SLC25A21: variants seen among roughly 807,000 people sequenced by gnomAD.
SLC25A21 encodes the protein mitochondrial 2-oxodicarboxylate carrier.
Under a neutral mutation model 43.8 loss-of-function variants are expected in SLC25A21, and 47 were observed. That is an observed-to-expected ratio of 1.07 (90% CI 0.85 to 1.37). The LOEUF (loss-of-function observed/expected upper bound fraction) is 1.37, where lower values mean the gene tolerates loss of function less well. SLC25A21 is among the 40% of genes most tolerant of loss of function. The probability of loss-of-function intolerance (pLI) is 0.00; values close to 1 mark genes in which losing one functional copy is unlikely to be tolerated. For synonymous variants in SLC25A21, 131 were observed against 121.3 expected, an observed-to-expected ratio of 1.08 and a Z score of -0.52; for missense variants, 352 against 350.2, an observed-to-expected ratio of 1.00 and a Z score of -0.04.
rs138725176 is a variant in SLC25A21 at position 37,049,799 on chromosome 14, C to T, written c.70+122482G>A. Among the ~76,000 whole-genome samples, 212 of 152,224 alleles carry T rather than the reference C, an allele frequency of 1.4e-3. 3 individuals carry two copies. The East Asian group carries it at 0.038, about 27-fold the overall frequency. On this transcript the variant is annotated intron_variant, in intron 1 of 9. Transcript: ENST00000331299. ...ATCCAAAATATTATCACTTCAACAA[C>T]TATTAAAATTATTAGTGAGACATTT... is the stretch of plus-strand genomic sequence containing the variant.
At chr14:36,764,192 G>GAAAGAAAAAGAAAGAA (rs141041432) in intron 3 of SLC25A21, among the ~76,000 whole-genome samples, 2 of 55,282 alleles carry the variant, frequency 3.6e-5, no homozygotes, top group East Asian at 5.0e-4. Context: ...AAGAAAGAAA[G>GAAAGAAAAAGAAAGAA]AGAAAGAAAG....
chr14:37,074,222 C>A (rs1365126346), intron 1 of SLC25A21, among the ~76,000 whole-genome samples: 1 of 150,550 alleles, frequency 6.6e-6, no homozygotes. Flanking sequence ...AAAAAAAAAA[C>A]CTCTGTTTTT....
At chr14:36,925,334 A>C (rs1419229986) in intron 1 of SLC25A21, among the ~76,000 whole-genome samples, 2 of 152,196 alleles carry the variant, frequency 1.3e-5, no homozygotes, top group Non-Finnish European at 2.9e-5. Context: ...TATGCTGTCT[A>C]GGAGAAACCC....
chr14:36,814,636 T>C (rs77105433), intron 2 of SLC25A21, among the ~76,000 whole-genome samples: 3,271 of 152,300 alleles, frequency 0.021, 115 homozygotes, highest in African/African-American at 0.075. Flanking sequence ...TTTATGCTAC[T>C]TAGAATGGCA....
chr14:37,112,173 A>T (rs1472497251), intron 1 of SLC25A21, among the ~76,000 whole-genome samples: 1 of 152,078 alleles, frequency 6.6e-6, no homozygotes, highest in Non-Finnish European at 1.5e-5. Context: ...AAAGGATTAA[A>T]GGTGATAGGG....
intron 1 of SLC25A21, among the ~76,000 whole-genome samples, chr14:36,935,394 C>T (rs948212254): frequency 6.6e-6 from 1 of 152,168 alleles, no homozygotes; most frequent in Non-Finnish European, 1.5e-5. Flanking sequence ...AATATGGCAA[C>T]TCTTTGAAGG....
chr14:36,907,130 T>C (rs1055576852), intron 1 of SLC25A21, among the ~76,000 whole-genome samples: 3 of 152,202 alleles, frequency 2.0e-5, no homozygotes, highest in African/African-American at 7.2e-5. Flanking sequence ...ATAATTGAGA[T>C]GCTATGGAGG....
chr14:36,721,105 A>G (rs1017412659), intron 6 of SLC25A21, among the ~76,000 whole-genome samples: 3 of 152,248 alleles, frequency 2.0e-5, no homozygotes, highest in Non-Finnish European at 4.4e-5. Flanking sequence ...CCTTGCATCT[A>G]GAAATAGTTA....
At chr14:36,947,072 C>G (rs1594711642) in intron 1 of SLC25A21, among the ~76,000 whole-genome samples, 1 of 152,186 alleles carries the variant, frequency 6.6e-6, no homozygotes, top group African/African-American at 2.4e-5. Flanking sequence ...CTACTTTACT[C>G]TTTGGCGGTT....
At position 36,764,199 on chromosome 14, in the gene SLC25A21, A is replaced by T. The variant is rs11845951; in HGVS notation, c.204-29626T>A. Among the ~76,000 whole-genome samples the T allele has an allele frequency of 6.9e-4, 102 of 146,998 alleles. 1 individual carries two copies. The highest frequency in any genetic ancestry group is 2.4e-3 in the African/African-American group (91 of 37,456). ...AAGAAAGAAAGAAAGAAAGAGAAAG[A>T]AAGAAACTGTTAGCTTCCCAGGACA... On this transcript the variant is annotated intron_variant, in intron 3 of 9. Transcript: ENST00000331299.
chr14:36,679,281 G>A lies in SLC25A21; in HGVS notation c.*1377C>T, dbSNP rs1882072632. 2 of 980,010 alleles carry A rather than the reference G, an allele frequency of 2.0e-6. No individual in the cohort carries two copies. The highest frequency in any genetic ancestry group is 4.7e-5 in the South Asian group (1 of 21,144). The allele number at this position is 980,010 out of a possible 1,614,324, so 60.7% of individuals were successfully genotyped here. On this transcript the variant is annotated 3_prime_UTR_variant, in exon 10 of 10. Transcript: ENST00000331299. ...ACGTTGGAAAGGATGTACAACAGAA[G>A]GCTATGTATGTATATACAGTATGTC... is the stretch of plus-strand genomic sequence containing the variant.
intron 1 of SLC25A21, among the ~76,000 whole-genome samples, chr14:36,906,984 A>G (rs1891552795): frequency 2.0e-5 from 3 of 152,174 alleles, no homozygotes; most frequent in Admixed American, 2.0e-4. Context: ...AGAAAAACAC[A>G]TACCATGCCC....
At chr14:37,005,206 G>GCACA (rs376479609) in intron 1 of SLC25A21, among the ~76,000 whole-genome samples, 3 of 150,506 alleles carry the variant, frequency 2.0e-5, no homozygotes, top group East Asian at 2.0e-4. Context: ...ACATGCAAAT[G>GCACA]CACACACACA....
chr14:37,111,200 C>T (rs1424480287), intron 1 of SLC25A21, among the ~76,000 whole-genome samples: 2 of 152,052 alleles, frequency 1.3e-5, no homozygotes, highest in Non-Finnish European at 2.9e-5. Context: ...CCAATGAATT[C>T]AACCTGTTAA....
At chr14:36,902,717 C>T (rs1273305636) in intron 1 of SLC25A21, among the ~76,000 whole-genome samples, 1 of 152,076 alleles carries the variant, frequency 6.6e-6, no homozygotes, top group East Asian at 1.9e-4. Flanking sequence ...CTTATTGTGG[C>T]GGGGCACAGT....
chr14:37,030,971 T>C (rs776197292), intron 1 of SLC25A21, among the ~76,000 whole-genome samples: 26 of 152,192 alleles, frequency 1.7e-4, no homozygotes, highest in Non-Finnish European at 2.6e-4. Flanking sequence ...GTGCAGGAAA[T>C]GGGAATTTCC....
At chr14:36,808,839 T>C (rs1396025700) in intron 3 of SLC25A21, 2 of 152,108 alleles carry the variant, frequency 1.3e-5, no homozygotes, top group Non-Finnish European at 2.9e-5. Flanking sequence ...GTATCTTGAG[T>C]TCTGTTTAAC....
chr14:36,893,178 G>A (rs1233462681), intron 1 of SLC25A21, among the ~76,000 whole-genome samples: 10 of 152,136 alleles, frequency 6.6e-5, no homozygotes, highest in African/African-American at 2.2e-4. Flanking sequence ...GTGTAAAAGT[G>A]TTCCTATTTC....
intron 2 of SLC25A21, among the ~76,000 whole-genome samples, chr14:36,817,553 C>A (rs1295398307): frequency 6.6e-6 from 1 of 152,084 alleles, no homozygotes; most frequent in African/African-American, 2.4e-5. Flanking sequence ...TGCATGGAGA[C>A]CTGAAGTGGT....
Sources: allele counts gnomAD v4.1 joint callset (sites outside exome capture counted in the v4.1 genomes callset), GRCh38; gene constraint gnomAD v4.1.1; transcripts MANE v1.5; gene names NCBI Gene and HGNC (gene_info 2026-07-23, HGNC 2026-07-21).